ART3: variants seen among roughly 807,000 people sequenced by gnomAD.
ART3 encodes ecto-ADP-ribosyltransferase 3.
In ART3, 49 loss-of-function variants were observed where a neutral mutation model predicts 48.5. The ratio of observed to expected loss-of-function variants is 1.01; its 90% CI spans 0.80 to 1.28. The LOEUF (loss-of-function observed/expected upper bound fraction) is 1.28, where lower values mean the gene tolerates loss of function less well. Among genes scored for constraint, ART3 ranks in the 50% most tolerant of loss-of-function variants. The probability of loss-of-function intolerance (pLI) is 0.00; values close to 1 mark genes in which losing one functional copy is unlikely to be tolerated. For synonymous variants in ART3, 145 were observed against 157.2 expected, an observed-to-expected ratio of 0.92 and a Z score of 0.58; for missense variants, 438 against 454.3, an observed-to-expected ratio of 0.96 and a Z score of 0.33.
chr4:76,040,440 A>ACACACACACGCG (rs1553926423), intron 1 of ART3, among the ~76,000 whole-genome samples: 2 of 93,256 alleles, frequency 2.1e-5, no homozygotes, highest in Non-Finnish European at 4.2e-5. Flanking sequence ...CACTGGATAC[A>ACACACACACGCG]CACACACACA....
At chr4:76,105,837 C>T (rs1578617097) in intron 10 of ART3, 2 of 985,400 alleles carry the variant, frequency 2.0e-6, no homozygotes, top group South Asian at 9.4e-5. Context: ...ATGAGGCAGG[C>T]TTCTCAGGGT....
chr4:76,055,694 G>A (rs1305840133), intron 1 of ART3, among the ~76,000 whole-genome samples: 1 of 151,722 alleles, frequency 6.6e-6, no homozygotes, highest in African/African-American at 2.4e-5. Flanking sequence ...GAGGGTCCTG[G>A]TGAGAAAGCA....
chr4:76,075,488 C>A (rs1376182281), intron 1 of ART3, among the ~76,000 whole-genome samples: 2 of 152,144 alleles, frequency 1.3e-5, no homozygotes, highest in Non-Finnish European at 2.9e-5. Context: ...AGCTAGGGGA[C>A]CAATTTGAGA....
intron 1 of ART3, among the ~76,000 whole-genome samples, chr4:76,049,600 G>A (rs899480123): frequency 2.0e-5 from 3 of 151,204 alleles, no homozygotes; most frequent in African/African-American, 7.3e-5. Flanking sequence ...AGCCTCACTA[G>A]TCTCTTTTAA....
intron 1 of ART3, among the ~76,000 whole-genome samples, chr4:76,032,458 T>C (rs7659236): frequency 0.61 from 92,894 of 151,892 alleles, 29,485 homozygotes; most frequent in East Asian, 0.94. Flanking sequence ...TCACCTATGT[T>C]GGTCTCCCAA....
In ART3 at chr4:76,056,762, G is replaced by A. The variant is rs958061638; in HGVS notation, c.-9-19119G>A. On this transcript the variant is annotated intron_variant, in intron 1 of 9. Coordinates refer to the ART3 transcript ENST00000341029. ...CTAGATTAGATTTCTAGGCTAGCCT[G>A]CTAAAATAGTTTCCTCATAATGAAC... Among the ~76,000 whole-genome samples the A allele has an allele frequency of 3.9e-5, 6 of 152,142 alleles. No homozygotes were observed. In the East Asian group the frequency reaches 1.2e-3, roughly 29 times the overall value.
chr4:76,015,533 T>C (rs886716789), intron 1 of ART3, among the ~76,000 whole-genome samples: 4 of 152,138 alleles, frequency 2.6e-5, no homozygotes, highest in African/African-American at 9.7e-5. Context: ...CTTAAAAAAT[T>C]CAATAGCTGA....
intron 3 of ART3, among the ~76,000 whole-genome samples, chr4:76,086,818 C>G (rs1227778682): frequency 1.3e-5 from 2 of 152,200 alleles, no homozygotes; most frequent in African/African-American, 4.8e-5. Flanking sequence ...TAGACGAGCT[C>G]ATGGGAACTG....
At chr4:76,104,708 T>A (rs1370894326) in intron 10 of ART3, 79 bp downstream of exon 10, 1 of 1,470,902 alleles carries the variant, frequency 6.8e-7, no homozygotes, top group African/African-American at 1.4e-5. Context: ...CATGGGACTT[T>A]CTATGCCTCA....
intron 11 of ART3, chr4:76,111,956 G>T (rs1302892898): frequency 6.5e-6 from 1 of 153,700 alleles, no homozygotes; most frequent in Admixed American, 6.5e-5. Flanking sequence ...GTCTCAAGTG[G>T]TCCTCCTGCC....
At chr4:76,058,820 C>T (rs1006742370) in intron 1 of ART3, among the ~76,000 whole-genome samples, 2 of 152,074 alleles carry the variant, frequency 1.3e-5, no homozygotes, top group African/African-American at 4.8e-5. Context: ...TTAAATTTAG[C>T]AGAGCTTAAT....
upstream of ART3, among the ~76,000 whole-genome samples, chr4:76,070,179 CCTGTTCTTTTAAGTATAATGAAT>C (rs1249009542): frequency 7.8e-5 from 2 of 25,668 alleles, no homozygotes; most frequent in Admixed American, 7.0e-4. Flanking sequence ...ATAATGAATT[CCTGTTCTTTTAAGTATAATGAAT>C]TCCTGTAAGT....
intron 5 of ART3, chr4:76,099,586 C>T (rs1325476439): frequency 6.4e-6 from 1 of 156,342 alleles, no homozygotes; most frequent in Non-Finnish European, 1.4e-5. Flanking sequence ...AGGTATAGCT[C>T]TGTATTCAGT....
intron 1 of ART3, among the ~76,000 whole-genome samples, chr4:76,018,796 G>A (rs891324462): frequency 5.3e-5 from 8 of 152,110 alleles, no homozygotes; most frequent in African/African-American, 1.9e-4. Flanking sequence ...GGGAGGCCGA[G>A]GTGGGTGGAT....
At chr4:76,099,086 G>C (rs941328391) in intron 5 of ART3, 99 bp downstream of exon 5, 3 of 1,103,422 alleles carry the variant, frequency 2.7e-6, no homozygotes, top group Middle Eastern at 2.0e-4. Flanking sequence ...TGGATCACTT[G>C]AGCCCAGGAG....
At chr4:76,021,091 A>G (rs1732762310) in intron 1 of ART3, 1 of 152,360 alleles carries the variant, frequency 6.6e-6, no homozygotes, top group Non-Finnish European at 1.5e-5. Flanking sequence ...AAATATCCCA[A>G]CCAAGTGACA....
chr4:76,070,144 T>TA (rs1249760677), upstream of ART3, among the ~76,000 whole-genome samples: 1 of 152,182 alleles, frequency 6.6e-6, no homozygotes, highest in Admixed American at 6.5e-5. Flanking sequence ...GGTGTGAACA[T>TA]ACACTTTAAT....
chr4:76,111,414 C>G (rs1729452227), intron 11 of ART3, among the ~76,000 whole-genome samples: 1 of 152,188 alleles, frequency 6.6e-6, no homozygotes, highest in South Asian at 2.1e-4. Flanking sequence ...CCATTTCAGA[C>G]AGATAATTCA....
intron 1 of ART3, among the ~76,000 whole-genome samples, chr4:76,017,250 C>T (rs1030157147): frequency 6.7e-6 from 1 of 149,864 alleles, no homozygotes; most frequent in South Asian, 2.1e-4. Context: ...GTATTGGCTG[C>T]TGGTTATTCA....
Sources: allele counts gnomAD v4.1 joint callset (sites outside exome capture counted in the v4.1 genomes callset), GRCh38; gene constraint gnomAD v4.1.1; transcripts MANE v1.5; gene names NCBI Gene and HGNC (gene_info 2026-07-23, HGNC 2026-07-21).